RICTOR: variants seen among roughly 807,000 people sequenced by gnomAD.
RICTOR encodes RPTOR independent companion of MTOR complex 2, also known as rapamycin-insensitive companion of mTOR.
A neutral mutation model predicts 214.9 loss-of-function variants in RICTOR; 49 were observed. The observed-to-expected ratio is 0.23, with a 90% CI of 0.18 to 0.29. RICTOR has a LOEUF of 0.29. Among genes scored for constraint, RICTOR ranks in the 10% least tolerant of loss-of-function variants. The pLI, the probability that RICTOR is intolerant of heterozygous loss-of-function variation, is 1.00. For missense variants in RICTOR, 1,625 were observed against 2,047.0 expected, an observed-to-expected ratio of 0.79 and a Z score of 3.98; for synonymous variants, 717 against 711.3, an observed-to-expected ratio of 1.01 and a Z score of -0.13.
At chr5:38,972,401 T>C (rs1420120058) in intron 10 of RICTOR, among the ~76,000 whole-genome samples, 1 of 152,234 alleles carries the variant, frequency 6.6e-6, no homozygotes, top group Non-Finnish European at 1.5e-5. Flanking sequence ...TTCAAATAAA[T>C]TATATGATTC....
Position 38,991,547 on chromosome 5 carries a change from T to C in RICTOR, c.457-472A>G, listed in dbSNP as rs199689293. ...CCCCTCTCCTCATGAAATTAATTGA[T>C]TAACTTGGGCCCTCACTCTCACTCT... On this transcript the variant is annotated intron_variant, in intron 6 of 37. Transcript: ENST00000357387. Among the ~76,000 whole-genome samples the C allele has an allele frequency of 7.9e-3, 1,052 of 133,320 alleles. 53 individuals carry two copies. The East Asian group carries it at 0.13, about 17-fold the overall frequency. 87.5% of individuals were successfully genotyped at this position (133,320 alleles called of 152,430 possible).
chr5:38,941,540 G>A lies in RICTOR; in HGVS notation c.*764C>T, dbSNP rs2112770155. 1 of 230,830 alleles carries A rather than the reference G, an allele frequency of 4.3e-6. No individual in the cohort carries two copies. Among genetic ancestry groups the A allele is most frequent in the South Asian group, 1.8e-4 (1 of 5,508 alleles). The allele number at this position is 230,830 out of a possible 1,614,324, so 14.3% of individuals were successfully genotyped here. A position where few individuals can be genotyped will look rare whatever the true frequency, so the allele number is the denominator to read the frequency against. On this transcript the variant is annotated 3_prime_UTR_variant, in exon 38 of 38. Coordinates refer to ENST00000357387, the MANE Select transcript of RICTOR (RefSeq NM_152756.5). ...GCAAATATATGCATTCTATAAATGGGAAATATTTTTAATTAAAATAAAAAA... is the reference window on the plus strand; with the variant it reads ...GCAAATATATGCATTCTATAAATGGAAAATATTTTTAATTAAAATAAAAAA...
At chr5:39,073,297 C>G (rs188740249) in intron 2 of RICTOR, among the ~76,000 whole-genome samples, 2 of 152,162 alleles carry the variant, frequency 1.3e-5, no homozygotes, top group Non-Finnish European at 2.9e-5. Flanking sequence ...TACGTAACTA[C>G]TAAATCTTCA....
chr5:38,944,871 C>T (rs766719552), intron 35 of RICTOR, 42 bp downstream of exon 35: 3 of 1,570,066 alleles, frequency 1.9e-6, no homozygotes, highest in South Asian at 1.1e-5. Flanking sequence ...CTAATCAGAA[C>T]AGTTTTACTA....
chr5:39,019,032 A>G (rs1364833168), intron 3 of RICTOR, among the ~76,000 whole-genome samples: 1 of 152,200 alleles, frequency 6.6e-6, no homozygotes, highest in Non-Finnish European at 1.5e-5. Context: ...TAAACTGGCT[A>G]CCAACATTCC....
At position 38,949,813 on chromosome 5, in the gene RICTOR, T is replaced by G; in HGVS notation, c.4035A>C (p.Leu1345Phe). ...RLQQQRMHPS[L>F]SHSEALASPA... The stretch of plus-strand genomic sequence containing the variant: ...GAGATGCCAAAGCTTCAGAGTGAGA[T>G]AAGGATGGATGCATTCTTTGTTGCT... The change falls in exon 31 of 38, where the codon TTA becomes TTC. Residue 1345 changes from leucine (L) to phenylalanine (F), a missense_variant. Coordinates refer to ENST00000357387, the MANE Select transcript of RICTOR (RefSeq NM_152756.5). 6.2e-7 allele frequency: 1 copy of G among 1,613,490 alleles called. No individual in the cohort carries two copies. The highest frequency in any genetic ancestry group is 1.7e-4 in the Middle Eastern group (1 of 6,060).
At chr5:38,942,578 G>C (rs1747694446) in intron 37 of RICTOR, among the ~76,000 whole-genome samples, 200 bp from the exon 38 acceptor site, 2 of 148,522 alleles carry the variant, frequency 1.3e-5, no homozygotes, top group Admixed American at 1.4e-4. Flanking sequence ...AGCCTCCCAA[G>C]TAGCTGGGAA....
chr5:39,044,791 C>T (rs1255286845), intron 2 of RICTOR, among the ~76,000 whole-genome samples: 2 of 152,178 alleles, frequency 1.3e-5, no homozygotes, highest in African/African-American at 2.4e-5. Flanking sequence ...TGCTGTCTAC[C>T]TTCAGAAAAC....
intron 2 of RICTOR, among the ~76,000 whole-genome samples, chr5:39,070,377 G>A (rs1450266150): frequency 6.6e-6 from 1 of 152,104 alleles, no homozygotes; most frequent in Non-Finnish European, 1.5e-5. Context: ...GCTGAGGCAG[G>A]AGAATGGCGT....
rs138880117 is a variant in RICTOR, at chr5:38,952,333, C to T, written c.2990G>A (p.Arg997His). 2.2e-5 allele frequency: 36 copies of T among 1,612,722 alleles called. No individual in the cohort carries two copies. The highest frequency in any genetic ancestry group is 2.8e-5 in the Non-Finnish European group (33 of 1,179,064). The change falls in exon 30 of 38, where the codon CGC (arginine) becomes CAC (histidine). Residue 997 changes from arginine (R) to histidine (H), a missense_variant. Physicochemically the swap from Arg to His is conservative, Grantham distance 29. Transcript: ENST00000357387. ...CHNWDAVRHSRKHLWPVVPDD... is the reference protein window; with the variant it reads ...CHNWDAVRHSHKHLWPVVPDD... ...TGGAACCACTGGCCACAGATGTTTG[C>T]GACTATGCCTCACAGCATCCCAGTT...
chr5:38,955,864 T>G (rs1249664093), intron 25 of RICTOR, among the ~76,000 whole-genome samples, 160 bp from the exon 26 acceptor site: 1 of 152,002 alleles, frequency 6.6e-6, no homozygotes, highest in African/African-American at 2.4e-5. Context: ...ACTAGTACTA[T>G]ATACTAATGA....
At chr5:38,945,283 T>A in intron 34 of RICTOR, 3 of 608,176 alleles carry the variant, frequency 4.9e-6, no homozygotes, top group Non-Finnish European at 2.9e-6. Context: ...AAAGACCTAA[T>A]CCAGGGATCT....
In RICTOR at chr5:38,950,646, T is replaced by C. The variant is rs779119372; in HGVS notation, c.3202A>G (p.Thr1068Ala). The C allele has an allele frequency of 1.2e-6, 2 of 1,612,470 alleles. No homozygotes were observed. Among genetic ancestry groups the C allele is most frequent in the South Asian group, 1.1e-5 (1 of 90,932 alleles). ...GATCGGTCATAAAATGTTGGCTCTG[T>C]ATCTTCATTGATATCAAGGAAAAAT... ...STFFLDINED[T>A]EPTFYDRSGP... Residue 1068 changes from threonine (T) to alanine (A), a missense_variant, in exon 31 of 38, where the codon ACA becomes GCA. Physicochemically the swap from Thr to Ala is moderately conservative, Grantham distance 58. Around this residue, in one of 5 missense-constraint regions of RICTOR, gnomAD observed 1,214 missense variants for 1,470.5 expected, o/e 0.83. Transcript: ENST00000357387.
intron 8 of RICTOR, 119 bp downstream of exon 8, chr5:38,981,748 C>A: frequency 1.6e-6 from 1 of 625,508 alleles, no homozygotes; most frequent in Non-Finnish European, 2.7e-6. Flanking sequence ...AAATTAGTGT[C>A]GGCTAATTTA....
intron 2 of RICTOR, among the ~76,000 whole-genome samples, chr5:39,058,507 C>T (rs1228806312): frequency 2.0e-5 from 3 of 151,906 alleles, no homozygotes; most frequent in Non-Finnish European, 4.4e-5. Context: ...TATGTAAAAC[C>T]CGGAGTGGTA....
At chr5:38,990,554 C>CGATATAT (rs1752540072) in intron 7 of RICTOR, among the ~76,000 whole-genome samples, 1 of 56,186 alleles carries the variant, frequency 1.8e-5, no homozygotes, top group Non-Finnish European at 3.9e-5. Context: ...ACACGATATA[C>CGATATAT]ACGATATATA....
rs1561501220 is a variant in RICTOR, at chr5:38,990,585, C to CAGATAT, written c.583+363_583+364insATATCT. On this transcript the variant is annotated intron_variant, in intron 7 of 37. Transcript: ENST00000357387. ...ATATACACGATATATATGATATATACATGATATATACGATATATATGATAT... is the reference window on the plus strand; with the variant it reads ...ATATACACGATATATATGATATATACAGATATATGATATATACGATATATATGATAT... Among the ~76,000 whole-genome samples the CAGATAT allele has an allele frequency of 1.3e-4, 18 of 139,456 alleles. 2 individuals carry two copies. Among genetic ancestry groups the CAGATAT allele is most frequent in the African/African-American group, 4.7e-4 (17 of 36,280 alleles). The allele number at this position is 139,456 out of a possible 152,430, so 91.5% of individuals were successfully genotyped here.
At chr5:39,004,554 G>C (rs1478304469) in intron 3 of RICTOR, among the ~76,000 whole-genome samples, 1 of 151,556 alleles carries the variant, frequency 6.6e-6, no homozygotes, top group African/African-American at 2.4e-5. Flanking sequence ...CTGCCTCCCG[G>C]GTTCAAGTGA....
At chr5:39,034,187 GT>G (rs1756483139) in intron 2 of RICTOR, among the ~76,000 whole-genome samples, 1 of 152,200 alleles carries the variant, frequency 6.6e-6, no homozygotes. Context: ...TCTTTAATTG[GT>G]TTATTGTCAG....
Sources: gnomAD v4.1 joint callset for allele counts (sites outside exome capture counted in the v4.1 genomes callset) on GRCh38, gnomAD v4.1.1 for gene constraint, gnomAD v4.1.1 regional missense constraint, MANE v1.5 for transcripts, NCBI Gene and HGNC (gene_info 2026-07-23, HGNC 2026-07-21) for gene names.